CSMD1: variants seen among roughly 807,000 people sequenced by gnomAD.
CSMD1 encodes CUB and Sushi multiple domains 1.
CSMD1 carries 213 observed loss-of-function variants against 417.5 expected under a neutral mutation model. The ratio of observed to expected loss-of-function variants is 0.51; its 90% CI spans 0.46 to 0.57. The LOEUF is 0.57. Ranked by LOEUF, CSMD1 falls within the 20% of genes least tolerant of loss-of-function variation. The pLI is 0.00. For synonymous variants in CSMD1, 2,862 were observed against 1,736.8 expected (o/e 1.65, Z -16.11); for missense variants, 6,923 against 4,529.7 (o/e 1.53, Z -15.17).
At chr8:3,644,746 C>A (rs1797487876) in intron 7 of CSMD1, among the ~76,000 whole-genome samples, 2 of 152,008 alleles carry the variant, frequency 1.3e-5, no homozygotes. Flanking sequence ...GCAGTGCCAG[C>A]AGACAGAATT....
Position 3,395,218 on chromosome 8 carries a change from G to C in CSMD1, c.2593+976C>G, listed in dbSNP as rs923292428. 2.6e-5 allele frequency among the ~76,000 whole-genome samples: 4 copies of C among 152,096 alleles called. No homozygotes were observed. The South Asian group carries it at 6.2e-4, about 24-fold the overall frequency. On this transcript the variant is annotated intron_variant, in intron 17 of 69. Coordinates refer to ENST00000635120, the MANE Select transcript of CSMD1 (RefSeq NM_033225.6). ...AAATTTTAAAAACATCTTTACAATAGTACTTGAGATAAAGCTCTGAAAAAG... is the reference window on the plus strand; with the variant it reads ...AAATTTTAAAAACATCTTTACAATACTACTTGAGATAAAGCTCTGAAAAAG...
Position 2,974,587 on chromosome 8 carries a change from G to T in CSMD1, c.8604C>A (p.Ala2868=), listed in dbSNP as rs779219870. 2 of 1,611,092 alleles carry T rather than the reference G, an allele frequency of 1.2e-6. No individual in the cohort carries two copies. The highest frequency in any genetic ancestry group is 1.7e-6 in the Non-Finnish European group (2 of 1,178,692). The change falls in exon 56 of 70, where the codon GCC becomes GCA. Residue 2868 remains alanine (A), a synonymous_variant. Coordinates refer to ENST00000635120, the MANE Select transcript of CSMD1 (RefSeq NM_033225.6). The part of the protein sequence containing the change: ...SCGHPGVPAN[A]VLTGELFTYG... ...AGGTAAACAGCTCTCCAGTGAGGACGGCGTTGGCAGGGACCCCTGGGTGTC... is the reference window on the plus strand; with the variant it reads ...AGGTAAACAGCTCTCCAGTGAGGACTGCGTTGGCAGGGACCCCTGGGTGTC...
intron 26 of CSMD1, among the ~76,000 whole-genome samples, chr8:3,266,057 A>C (rs1801407475): frequency 6.6e-6 from 1 of 151,858 alleles, no homozygotes; most frequent in African/African-American, 2.4e-5. Flanking sequence ...AGAGCTTTGA[A>C]GTTATTACCT....
chr8:4,157,665 G>C (rs923934407), intron 3 of CSMD1, among the ~76,000 whole-genome samples: 1 of 152,192 alleles, frequency 6.6e-6, no homozygotes. Context: ...TGGGCATGGG[G>C]TGAGGGCATC....
At chr8:4,051,084 G>C (rs1798399950) in intron 3 of CSMD1, among the ~76,000 whole-genome samples, 1 of 151,932 alleles carries the variant, frequency 6.6e-6, no homozygotes, top group Non-Finnish European at 1.5e-5. Flanking sequence ...ACTGCCCTGA[G>C]TTACAGCATC....
At chr8:3,441,395 T>C (rs770494743) in intron 12 of CSMD1, among the ~76,000 whole-genome samples, 26 of 152,144 alleles carry the variant, frequency 1.7e-4, no homozygotes, top group Non-Finnish European at 2.6e-4. Flanking sequence ...TTTTCTTCTT[T>C]ATCCTGTTAA....
At chr8:3,398,744 G>C (rs1170899778) in intron 16 of CSMD1, among the ~76,000 whole-genome samples, 1 of 152,108 alleles carries the variant, frequency 6.6e-6, no homozygotes, top group South Asian at 2.1e-4. Flanking sequence ...CATCAATTTG[G>C]TCTCAGTGTT....
chr8:3,114,326 G>A (rs1816722945), intron 42 of CSMD1, among the ~76,000 whole-genome samples: 1 of 151,698 alleles, frequency 6.6e-6, no homozygotes, highest in South Asian at 2.1e-4. Context: ...TTTATAGATG[G>A]TTTTCTCTAG....
intron 1 of CSMD1, among the ~76,000 whole-genome samples, chr8:4,861,887 G>C (rs1188317308): frequency 6.6e-6 from 1 of 152,062 alleles, no homozygotes; most frequent in Non-Finnish European, 1.5e-5. Flanking sequence ...GAGAGACAGA[G>C]GGAGAACCTG....
In CSMD1 at chr8:4,360,529, G is replaced by A. The variant is rs112859069; in HGVS notation, c.415+59424C>T. Among the ~76,000 whole-genome samples the A allele has an allele frequency of 4.9e-4, 74 of 152,146 alleles. 1 individual carries two copies. The highest frequency in any genetic ancestry group is 6.6e-4 in the Non-Finnish European group (45 of 68,004). On this transcript the variant is annotated intron_variant, in intron 3 of 69. Coordinates refer to ENST00000635120, the MANE Select transcript of CSMD1 (RefSeq NM_033225.6). ...CTTTGAGATGGAGTCTGGCTCTGTCGCCCAGGCTGGAGGGCAGTGGCGCGA... is the reference window on the plus strand; with the variant it reads ...CTTTGAGATGGAGTCTGGCTCTGTCACCCAGGCTGGAGGGCAGTGGCGCGA...
intron 2 of CSMD1, among the ~76,000 whole-genome samples, chr8:4,504,819 T>C (rs4875106): frequency 0.27 from 41,757 of 152,072 alleles, 6,076 homozygotes; most frequent in East Asian, 0.44. Flanking sequence ...AACTCATTAT[T>C]TTTTATGGCT....
intron 1 of CSMD1, among the ~76,000 whole-genome samples, chr8:4,895,552 TAAAG>T (rs76809786): frequency 0.045 from 6,781 of 152,250 alleles, 225 homozygotes; most frequent in South Asian, 0.1. Flanking sequence ...TTTTTACTGA[TAAAG>T]AAATTTTGCT....
At chr8:3,558,638 G>C (rs1799322600) in intron 10 of CSMD1, among the ~76,000 whole-genome samples, 1 of 150,148 alleles carries the variant, frequency 6.7e-6, no homozygotes, top group African/African-American at 2.5e-5. Flanking sequence ...TGCCTCAATA[G>C]TACCCCGTGT....
At chr8:3,815,725 G>T (rs186635152) in intron 5 of CSMD1, among the ~76,000 whole-genome samples, 1 of 151,410 alleles carries the variant, frequency 6.6e-6, no homozygotes, top group African/African-American at 2.4e-5. Flanking sequence ...TTTGGACTTG[G>T]AGATTCTCAT....
chr8:3,514,967 C>A (rs531319908), intron 10 of CSMD1, among the ~76,000 whole-genome samples: 4 of 152,196 alleles, frequency 2.6e-5, no homozygotes, highest in African/African-American at 9.6e-5. Flanking sequence ...TGGAATATAT[C>A]AAAGTGCCTT....
In CSMD1 at chr8:4,025,696, T is replaced by C. The variant is rs369807436; in HGVS notation, c.610+6209A>G. On this transcript the variant is annotated intron_variant, in intron 4 of 69. Transcript: ENST00000635120. ...TGAAAGACTCAAGAATAACGAATAG[T>C]TGAAAGATTACCTCTCAAGAAAAAT... 3.9e-5 allele frequency among the ~76,000 whole-genome samples: 6 copies of C among 152,102 alleles called. No homozygotes were observed. The East Asian group carries it at 7.7e-4, about 20-fold the overall frequency.
At chr8:3,737,777 G>A (rs547357485) in intron 6 of CSMD1, among the ~76,000 whole-genome samples, 8 of 152,202 alleles carry the variant, frequency 5.3e-5, no homozygotes, top group South Asian at 4.1e-4. Context: ...CCATGAAATC[G>A]TCTGAAATCA....
chr8:3,821,825 T>C (rs958299938), intron 5 of CSMD1, among the ~76,000 whole-genome samples: 1 of 151,898 alleles, frequency 6.6e-6, no homozygotes, highest in African/African-American at 2.4e-5. Flanking sequence ...AAAAGTTTAA[T>C]GGGAGAAACA....
intron 1 of CSMD1, among the ~76,000 whole-genome samples, chr8:4,793,799 C>G (rs1258383548): frequency 7.3e-6 from 1 of 137,236 alleles, no homozygotes; most frequent in Non-Finnish European, 1.5e-5. Context: ...AAATCATGGT[C>G]AGTGATCTAG....
Sources: gnomAD v4.1 joint callset for allele counts (sites outside exome capture counted in the v4.1 genomes callset) on GRCh38, gnomAD v4.1.1 for gene constraint, MANE v1.5 for transcripts, NCBI Gene and HGNC (gene_info 2026-07-23, HGNC 2026-07-21) for gene names.